Variants in PTPRT observed in about 807,000 individuals in gnomAD.
PTPRT encodes the protein receptor-type tyrosine-protein phosphatase T.
Under a neutral mutation model 176.8 loss-of-function variants are expected in PTPRT, and 56 were observed. The ratio of observed to expected loss-of-function variants is 0.32; its 90% confidence interval spans 0.26 to 0.40. The LOEUF is 0.40. Ranked by LOEUF, PTPRT falls within the 10% of genes least tolerant of loss-of-function variation. PTPRT has a pLI of 1.00. For synonymous variants in PTPRT, 783 were observed against 739.0 expected (o/e 1.06, Z -0.96); for missense variants, 1,540 against 1,908.2 (o/e 0.81, Z 3.60).
chr20:42,039,523 T>C, the PTPRT span, among the ~76,000 whole-genome samples: 1 of 151,926 alleles, frequency 6.6e-6, no homozygotes, highest in Non-Finnish European at 1.5e-5. Context: ...CACCATTTTA[T>C]TCCCTATTTC....
chr20:43,072,767 A>C (rs1259093422), intron 1 of PTPRT, among the ~76,000 whole-genome samples: 1 of 152,210 alleles, frequency 6.6e-6, no homozygotes, highest in Admixed American at 6.5e-5. Context: ...ACACTAATGA[A>C]AAGAAATGCT....
chr20:42,966,853 G>A (rs1271687542), intron 1 of PTPRT, among the ~76,000 whole-genome samples: 2 of 152,218 alleles, frequency 1.3e-5, no homozygotes. Flanking sequence ...TTAAGAGATT[G>A]TTTCAGTGTA....
At chr20:42,803,074 T>A (rs2077553727) in intron 2 of PTPRT, among the ~76,000 whole-genome samples, 1 of 152,252 alleles carries the variant, frequency 6.6e-6, no homozygotes, top group Admixed American at 6.5e-5. Context: ...GTGAGATAAC[T>A]GACCCTGGAA....
downstream of PTPRT, among the ~76,000 whole-genome samples, chr20:42,068,228 C>CA (rs544944313): frequency 1.1e-4 from 16 of 152,266 alleles, no homozygotes; most frequent in South Asian, 6.2e-4. Context: ...GCACAGGAAA[C>CA]AAGAGCTGCA....
chr20:42,364,481 T>A (rs573410871), intron 9 of PTPRT, among the ~76,000 whole-genome samples: 1 of 152,196 alleles, frequency 6.6e-6, no homozygotes, highest in Non-Finnish European at 1.5e-5. Context: ...AAGCCTATTT[T>A]TTTTTGTTAT....
At chr20:42,826,242 T>C (rs2077990698) in intron 2 of PTPRT, among the ~76,000 whole-genome samples, 1 of 152,182 alleles carries the variant, frequency 6.6e-6, no homozygotes, top group South Asian at 2.1e-4. Context: ...TTACACATAC[T>C]TCCCATGCCT....
chr20:42,667,050 C>T, intron 7 of PTPRT, among the ~76,000 whole-genome samples: 1 of 152,174 alleles, frequency 6.6e-6, no homozygotes, highest in East Asian at 1.9e-4. Context: ...ACTTTTTAGC[C>T]TCTCTTGAGA....
At chr20:42,787,120 T>C (rs1457906324) in intron 3 of PTPRT, among the ~76,000 whole-genome samples, 7 of 152,230 alleles carry the variant, frequency 4.6e-5, no homozygotes, top group Non-Finnish European at 1.0e-4. Flanking sequence ...ACAAAAATGT[T>C]TTCTTTCTGC....
chr20:42,448,858 T>TA (rs11477096), intron 8 of PTPRT, among the ~76,000 whole-genome samples: 35 of 146,910 alleles, frequency 2.4e-4, no homozygotes, highest in East Asian at 1.0e-3. Flanking sequence ...GTTCATGAGC[T>TA]AAAAAAAAAA....
In PTPRT at chr20:42,508,127, TTG is replaced by T. The variant is rs57895943; in HGVS notation, c.1154-35567_1154-35566del. On this transcript the variant is annotated intron_variant, in intron 7 of 30. Coordinates refer to ENST00000373187, the MANE Select transcript of PTPRT (RefSeq NM_007050.6). ...TTAATAAAATCAGTAATTACCCTTT[TTG>T]TGTGTGTGTGTGTGTGTGTGTATTA... is the stretch of plus-strand genomic sequence containing the variant. 1.4e-3 allele frequency among the ~76,000 whole-genome samples: 203 copies of T among 146,598 alleles called. 2 individuals carry two copies. Among genetic ancestry groups the T allele is most frequent in the Non-Finnish European group, 2.2e-3 (149 of 67,038 alleles).
At chr20:42,983,035 C>T (rs1983370632) in intron 1 of PTPRT, among the ~76,000 whole-genome samples, 3 of 152,208 alleles carry the variant, frequency 2.0e-5, no homozygotes, top group Admixed American at 6.5e-5. Context: ...CCTGTCTACA[C>T]AGGCTCAGAC....
At chr20:43,113,681 G>A (rs1187631193) in intron 1 of PTPRT, among the ~76,000 whole-genome samples, 1 of 152,162 alleles carries the variant, frequency 6.6e-6, no homozygotes, top group Admixed American at 6.5e-5. Flanking sequence ...ACTCAAGTAC[G>A]AACCAAGGAT....
intron 7 of PTPRT, among the ~76,000 whole-genome samples, chr20:42,610,379 G>GTTTTTTTT (rs74271793): frequency 2.2e-5 from 3 of 136,428 alleles, no homozygotes; most frequent in Non-Finnish European, 1.6e-5. Flanking sequence ...TACTTGTTTT[G>GTTTTTTTT]TTTTTTTTTT....
chr20:42,788,508 G>A (rs2077325479), intron 3 of PTPRT, among the ~76,000 whole-genome samples: 1 of 152,136 alleles, frequency 6.6e-6, no homozygotes, highest in African/African-American at 2.4e-5. Context: ...TGAGGCTGGG[G>A]GAAAAGCAAA....
chr20:42,972,676 C>CAAAAAAAAA (rs33947245), intron 1 of PTPRT, among the ~76,000 whole-genome samples: 123 of 77,454 alleles, frequency 1.6e-3, no homozygotes, highest in East Asian at 2.5e-3. Context: ...TCTCAAAAAG[C>CAAAAAAAAA]AAAAAAAAAA....
intron 16 of PTPRT, among the ~76,000 whole-genome samples, chr20:42,172,760 T>C (rs552218605): frequency 6.6e-6 from 1 of 152,296 alleles, no homozygotes; most frequent in East Asian, 1.9e-4. Context: ...TTATCCCATG[T>C]GTAGACCTGT....
intron 1 of PTPRT, among the ~76,000 whole-genome samples, chr20:43,001,879 C>CA (rs563132098): frequency 3.3e-5 from 4 of 120,328 alleles, no homozygotes; most frequent in Admixed American, 2.4e-4. Context: ...AACAAACAAA[C>CA]AAAAAAACAA....
intron 15 of PTPRT, among the ~76,000 whole-genome samples, chr20:42,210,169 T>A (rs2146730212): frequency 6.6e-6 from 1 of 152,350 alleles, no homozygotes; most frequent in South Asian, 2.1e-4. Context: ...GAGCTATCTA[T>A]GACAAACCCA....
intron 17 of PTPRT, among the ~76,000 whole-genome samples, chr20:42,153,277 C>T (rs1989212910): frequency 6.6e-6 from 1 of 152,104 alleles, no homozygotes; most frequent in African/African-American, 2.4e-5. Context: ...GTGTTTCTGG[C>T]CAGATTAGTG....
Sources: allele counts gnomAD v4.1 joint callset (sites outside exome capture counted in the v4.1 genomes callset), GRCh38; gene constraint gnomAD v4.1.1; transcripts MANE v1.5; gene names NCBI Gene and HGNC (gene_info 2026-07-23, HGNC 2026-07-21).